Variants in TAFA1 observed in about 807,000 individuals in gnomAD.
TAFA1 encodes the protein TAFA chemokine like family member 1.
In TAFA1, 4 loss-of-function variants were observed where a neutral mutation model predicts 18.5. The observed-to-expected ratio is 0.22, with a 90% CI of 0.11 to 0.49. The LOEUF (loss-of-function observed/expected upper bound fraction) is 0.49. Ranked by LOEUF, TAFA1 falls within the 20% of genes least tolerant of loss-of-function variation. The pLI is 0.98. For synonymous variants in TAFA1, 56 were observed against 55.2 expected, an observed-to-expected ratio of 1.01 and a Z score of -0.06; for missense variants, 147 against 169.0, an observed-to-expected ratio of 0.87 and a Z score of 0.72.
intron 3 of TAFA1, among the ~76,000 whole-genome samples, chr3:68,479,010 A>G (rs2072163146): frequency 6.6e-6 from 1 of 150,418 alleles, no homozygotes; most frequent in African/African-American, 2.4e-5. Context: ...AGGCAAGTGG[A>G]TCACGAGGTC....
chr3:68,490,704 CAT>C (rs1219337715), intron 3 of TAFA1, among the ~76,000 whole-genome samples: 7 of 152,080 alleles, frequency 4.6e-5, no homozygotes, highest in Non-Finnish European at 5.9e-5. Flanking sequence ...TTTACATTAA[CAT>C]GTGAGGTTTA....
chr3:68,485,994 C>T (rs1442033895), intron 3 of TAFA1, among the ~76,000 whole-genome samples: 6 of 152,122 alleles, frequency 3.9e-5, no homozygotes, highest in Admixed American at 3.9e-4. Flanking sequence ...GTGGTGTGAT[C>T]ATGGCTCACT....
rs184067569 is a variant in TAFA1, at chr3:68,042,623, T to G, written c.118+35879T>G. 4.6e-5 allele frequency among the ~76,000 whole-genome samples: 7 copies of G among 152,312 alleles called. 1 individual carries two copies. The highest frequency in any genetic ancestry group is 1.2e-4 in the African/African-American group (5 of 41,562). On this transcript the variant is annotated intron_variant, in intron 2 of 4. Coordinates refer to ENST00000478136, the MANE Select transcript of TAFA1 (RefSeq NM_213609.4). ...AAGGTTGTGCCATTGCAGTCCAGAC[T>G]GGGCAACAAAAGCAAAACTCCATCT...
chr3:68,406,840 G>GT (rs781250567), intron 2 of TAFA1, among the ~76,000 whole-genome samples: 10 of 152,192 alleles, frequency 6.6e-5, no homozygotes, highest in Non-Finnish European at 1.2e-4. Context: ...GTAAAGAGCA[G>GT]TAAGGAATCA....
At chr3:68,416,641 T>G (rs17047652) in intron 2 of TAFA1, among the ~76,000 whole-genome samples, 22,951 of 152,204 alleles carry the variant, frequency 0.15, 2,297 homozygotes, top group East Asian at 0.35. Context: ...GCCAATAAAT[T>G]CTGATGAATG....
At chr3:68,426,323 T>G (rs546234490) in intron 3 of TAFA1, among the ~76,000 whole-genome samples, 5 of 151,968 alleles carry the variant, frequency 3.3e-5, no homozygotes, top group Admixed American at 3.3e-4. Flanking sequence ...GAAATTATCC[T>G]TGTCATATTT....
intron 2 of TAFA1, among the ~76,000 whole-genome samples, chr3:68,067,093 C>T (rs1431304899): frequency 6.6e-6 from 1 of 152,176 alleles, no homozygotes; most frequent in African/African-American, 2.4e-5. Context: ...TAGGCTCTAA[C>T]TGTGTCCATA....
intron 2 of TAFA1, among the ~76,000 whole-genome samples, chr3:68,057,050 C>A (rs965862200): frequency 6.6e-6 from 1 of 152,178 alleles, no homozygotes; most frequent in African/African-American, 2.4e-5. Context: ...CCCATCATCT[C>A]TCTTCTCTAA....
chr3:68,036,737 C>T (rs1405470689), intron 2 of TAFA1, among the ~76,000 whole-genome samples: 2 of 152,290 alleles, frequency 1.3e-5, no homozygotes, highest in African/African-American at 4.8e-5. Flanking sequence ...ATTTATCTAT[C>T]TGCCCTGCCC....
chr3:68,089,677 G>C (rs928975877), intron 2 of TAFA1, among the ~76,000 whole-genome samples: 4 of 152,160 alleles, frequency 2.6e-5, no homozygotes, highest in African/African-American at 9.7e-5. Context: ...TGGTTGAAAT[G>C]TGGTCCTGAC....
intron 2 of TAFA1, among the ~76,000 whole-genome samples, chr3:68,356,754 A>C (rs994671842): frequency 3.3e-5 from 5 of 151,980 alleles, no homozygotes; most frequent in African/African-American, 7.2e-5. Context: ...AAATTGATAT[A>C]TATGGAATAT....
intron 3 of TAFA1, among the ~76,000 whole-genome samples, chr3:68,457,437 T>C (rs945376565): frequency 4.6e-5 from 7 of 152,210 alleles, no homozygotes; most frequent in Non-Finnish European, 1.0e-4. Context: ...GTTCATCTGC[T>C]AGTTTTTCAA....
At chr3:68,064,528 G>A (rs375690299) in intron 2 of TAFA1, among the ~76,000 whole-genome samples, 69 of 152,252 alleles carry the variant, frequency 4.5e-4, no homozygotes, top group African/African-American at 1.6e-3. Context: ...TAAATGAGAC[G>A]CGGTGCTCTT....
At chr3:68,473,096 A>C (rs1291489256) in intron 3 of TAFA1, among the ~76,000 whole-genome samples, 1 of 152,194 alleles carries the variant, frequency 6.6e-6, no homozygotes, top group Non-Finnish European at 1.5e-5. Flanking sequence ...TTTCAGAGGA[A>C]ACCACAAATG....
intron 2 of TAFA1, among the ~76,000 whole-genome samples, chr3:68,079,524 G>T (rs28795784): frequency 6.6e-6 from 1 of 151,888 alleles, no homozygotes; most frequent in Non-Finnish European, 1.5e-5. Context: ...CTTTGTTCTC[G>T]TTGGTTTCAA....
At chr3:68,226,674 T>C (rs1321937422) in intron 2 of TAFA1, among the ~76,000 whole-genome samples, 3 of 152,204 alleles carry the variant, frequency 2.0e-5, no homozygotes, top group Non-Finnish European at 4.4e-5. Flanking sequence ...ATGTATATTA[T>C]ACTACTTAAG....
intron 2 of TAFA1, among the ~76,000 whole-genome samples, chr3:68,379,132 G>A (rs895309866): frequency 6.6e-6 from 1 of 152,088 alleles, no homozygotes; most frequent in African/African-American, 2.4e-5. Flanking sequence ...CACCAACAGA[G>A]TATAAGCATT....
intron 2 of TAFA1, among the ~76,000 whole-genome samples, chr3:68,007,582 C>A (rs111681583): frequency 0.063 from 9,510 of 151,868 alleles, 508 homozygotes; most frequent in South Asian, 0.22. Flanking sequence ...CTACTACTCA[C>A]CCCGCCTTCA....
At chr3:68,044,964 G>A (rs181598266) in intron 2 of TAFA1, among the ~76,000 whole-genome samples, 1 of 152,328 alleles carries the variant, frequency 6.6e-6, no homozygotes, top group African/African-American at 2.4e-5. Flanking sequence ...GATACCCACA[G>A]GAACTCAGGG....
Sources: allele counts gnomAD v4.1 joint callset (sites outside exome capture counted in the v4.1 genomes callset), GRCh38; gene constraint gnomAD v4.1.1; transcripts MANE v1.5; gene names NCBI Gene and HGNC (gene_info 2026-07-23, HGNC 2026-07-21).